CPSF1: variants seen among roughly 807,000 people sequenced by gnomAD.
CPSF1 encodes cleavage and polyadenylation specific factor 1.
A neutral mutation model predicts 175.8 loss-of-function variants in CPSF1; 106 were observed. That is an observed-to-expected ratio of 0.60 (90% CI 0.52 to 0.71). The LOEUF (loss-of-function observed/expected upper bound fraction) is 0.71. Ranked by LOEUF, CPSF1 falls within the 30% of genes least tolerant of loss-of-function variation. The pLI is 0.00. For synonymous variants in CPSF1, 1,024 were observed against 858.3 expected, an observed-to-expected ratio of 1.19 and a Z score of -3.37; for missense variants, 1,734 against 2,022.9, an observed-to-expected ratio of 0.86 and a Z score of 2.74.
At position 144,394,166 on chromosome 8, in the gene CPSF1, G is replaced by A. The variant is rs782285221; in HGVS notation, c.3812-6C>T. The A allele has an allele frequency of 5.6e-6, 9 of 1,612,716 alleles. No individual in the cohort carries two copies. In the Admixed American group the frequency reaches 6.7e-5, roughly 12 times the overall value. On this transcript the variant is annotated splice_region_variant and splice_polypyrimidine_tract_variant and intron_variant, in intron 33 of 37. Coordinates refer to ENST00000616140, the MANE Select transcript of CPSF1 (RefSeq NM_013291.3). ...GTTGCGGTCGCGGTCAGACACTGGG[G>A]AGCAGAGGCCCAGGGTCAGCCCCGG...
At chr8:144,404,848 C>T (rs1179953874) in intron 2 of CPSF1, among the ~76,000 whole-genome samples, 3 of 151,268 alleles carry the variant, frequency 2.0e-5, no homozygotes, top group South Asian at 2.1e-4. Context: ...CGGGGTCAGG[C>T]GATCGAGACC....
At position 144,400,143 on chromosome 8, in the gene CPSF1, C is replaced by CG. The variant is rs781807206; in HGVS notation, c.937+22dup. On this transcript the variant is annotated intron_variant, in intron 9 of 37. Coordinates refer to ENST00000616140, the MANE Select transcript of CPSF1 (RefSeq NM_013291.3). ...GCCCAAGCCGTCCCCGGGCCCCCCC[C>CG]GCCCCAGCCACCCCACACTCACGAA... 1.8e-4 allele frequency: 222 copies of CG among 1,222,302 alleles called. 8 individuals carry two copies. Among genetic ancestry groups the CG allele is most frequent in the Non-Finnish European group, 2.3e-4 (200 of 882,462 alleles). 75.7% of individuals were successfully genotyped at this position (1,222,302 alleles called of 1,614,324 possible).
chr8:144,406,729 A>T (rs1821515613), intron 2 of CPSF1, among the ~76,000 whole-genome samples: 3 of 152,068 alleles, frequency 2.0e-5, no homozygotes, highest in Non-Finnish European at 4.4e-5. Flanking sequence ...CGTCCAAGGC[A>T]GCACAACGCT....
intron 25 of CPSF1, 47 bp downstream of exon 25, chr8:144,396,551 G>A (rs1238599779): frequency 1.2e-6 from 2 of 1,607,928 alleles, no homozygotes; most frequent in African/African-American, 2.7e-5. Context: ...TGCGGATGAG[G>A]CCGCGTCTCC....
rs116261975 is a variant in CPSF1, at chr8:144,396,885, G to A, written c.2637C>T (p.His879=). The change falls in exon 24 of 38, where the codon CAC becomes CAT. Residue 879 remains histidine (H), a synonymous_variant. Coordinates refer to ENST00000616140, the MANE Select transcript of CPSF1 (RefSeq NM_013291.3). The stretch of plus-strand genomic sequence containing the variant: ...GATTGCCCTGGCCGAGCTGAGAGTC[G>A]TGGGGGAAGGCCTCGTAGATAAGCA... The part of the protein sequence containing the change: ...QELLIYEAFP[H]DSQLGQGNLK... 1,462 of 1,613,906 alleles carry A rather than the reference G, an allele frequency of 9.1e-4. 13 individuals are homozygous for A. In the African/African-American group the frequency reaches 0.018, roughly 20 times the overall value.
chr8:144,397,956 GGTGCAGCGGGGGCTT>G lies in CPSF1; in HGVS notation c.2056_2070del (p.Lys686_His690del). 6.2e-7 allele frequency: 1 copy of G among 1,606,146 alleles called. No individual in the cohort carries two copies. Among genetic ancestry groups the G allele is most frequent in the Non-Finnish European group, 8.5e-7 (1 of 1,176,828 alleles). On this transcript the variant is annotated inframe_deletion, in exon 20 of 38. Transcript: ENST00000616140. ...GCGCCGGGAATGAGGGGGCCTACATGGTGCAGCGGGGGCTTGTGCAGCGCCAGGCGGTGGTGGCGG... is the reference window on the plus strand; with the variant it reads ...GCGCCGGGAATGAGGGGGCCTACATGGTGCAGCGCCAGGCGGTGGTGGCGG...
chr8:144,397,955 T>A lies in CPSF1; in HGVS notation c.2072A>T (p.His691Leu). The part of the protein sequence containing the change: ...RLALHKPPLH[H>L]QSKVITLCLY... ...GGCGCCGGGAATGAGGGGGCCTACA[T>A]GGTGCAGCGGGGGCTTGTGCAGCGC... Residue 691 changes from histidine to leucine, a missense_variant and splice_region_variant, in exon 20 of 38, where the codon CAT (histidine) becomes CTT (leucine). His to Leu is a moderately conservative substitution (Grantham distance 99). This residue lies in a region of CPSF1 where 280 missense variants were observed against 349.2 expected (regional missense o/e 0.80). Coordinates refer to ENST00000616140, the MANE Select transcript of CPSF1 (RefSeq NM_013291.3). 1 of 1,606,118 alleles carries A rather than the reference T, an allele frequency of 6.2e-7. No individual in the cohort carries two copies. The highest frequency in any genetic ancestry group is 8.5e-7 in the Non-Finnish European group (1 of 1,176,844).
At position 144,395,556 on chromosome 8, in the gene CPSF1, G is replaced by A. The variant is rs1474820211; in HGVS notation, c.2980-5C>T. 1 of 1,589,870 alleles carries A rather than the reference G, an allele frequency of 6.3e-7. No individual in the cohort carries two copies. ...GACACTGATCCTCAGCTCGCCCTGG[G>A]GTGGGGGCACAGGGGTCAGGGGATC... On this transcript the variant is annotated splice_polypyrimidine_tract_variant and splice_region_variant and intron_variant, in intron 26 of 37. Transcript: ENST00000616140.
rs1243808793 is a variant in CPSF1, at chr8:144,405,796, G to A, written c.144+3219C>T. Among the ~76,000 whole-genome samples the A allele has an allele frequency of 3.3e-5, 5 of 152,260 alleles. No homozygotes were observed. The East Asian group carries it at 9.6e-4, about 29-fold the overall frequency. Reference sequence around the variant, plus strand: ...CTGCCTTAGCCTCCTAGGGCTCTGAGTTCCTGCAAGAAGCTCAACTACACC... The same window carrying A: ...CTGCCTTAGCCTCCTAGGGCTCTGAATTCCTGCAAGAAGCTCAACTACACC... On this transcript the variant is annotated intron_variant, in intron 2 of 37. Transcript: ENST00000616140.
intron 2 of CPSF1, among the ~76,000 whole-genome samples, chr8:144,406,564 A>G (rs1821508228): frequency 6.6e-6 from 1 of 152,222 alleles, no homozygotes; most frequent in African/African-American, 2.4e-5. Context: ...GATCTCAACC[A>G]GTTTCCAAGG....
rs1490260051 is a variant in CPSF1, at chr8:144,400,048, G to A, written c.975C>T (p.Ala325=). Residue 325 remains alanine (A), a synonymous_variant, in exon 10 of 38, where the codon GCC becomes GCT. Coordinates refer to ENST00000616140, the MANE Select transcript of CPSF1 (RefSeq NM_013291.3). ...QEGVRITLDC[A]QATFISYDKM... ...TGTCGTAGGAGATGAAGGTGGCCTG[G>A]GCGCAGTCCAGGGTGATCCGCACAC... 4 of 1,612,080 alleles carry A rather than the reference G, an allele frequency of 2.5e-6. No homozygotes were observed. The highest frequency in any genetic ancestry group is 2.5e-6 in the Non-Finnish European group (3 of 1,179,892).
chr8:144,407,182 C>A, intron 2 of CPSF1, among the ~76,000 whole-genome samples: 1 of 151,042 alleles, frequency 6.6e-6, no homozygotes, highest in East Asian at 1.9e-4. Context: ...CCTCCCAAAG[C>A]GCTAAGATGA....
chr8:144,406,926 CT>C lies in CPSF1; in HGVS notation c.144+2088del, dbSNP rs2116906786. ...GAAGGTTAACAGTGTATTACTACTA[CT>C]TTTTTTTTTTAGATGGAGTTTTGCT... is the stretch of plus-strand genomic sequence containing the variant. On this transcript the variant is annotated intron_variant, in intron 2 of 37. Transcript: ENST00000616140. Among the ~76,000 whole-genome samples, 156 of 147,376 alleles carry C rather than the reference CT, an allele frequency of 1.1e-3. 1 individual carries two copies. Among genetic ancestry groups the C allele is most frequent in the African/African-American group, 1.0e-3 (42 of 40,444 alleles).
Position 144,397,805 on chromosome 8 carries a change from C to A in CPSF1, c.2148G>T (p.Gly716=), listed in dbSNP as rs782711580. Residue 716 remains glycine, a synonymous_variant, in exon 21 of 38, where the codon GGG becomes GGT. Transcript: ENST00000616140. The part of the protein sequence containing the change: ...GMFTTESRLG[G]ARDELGGRSG... ...TGCGGCCCCCGAGCTCGTCACGGGCCCCACCCAGGCGGCTCTCAGTGGTGA... is the reference window on the plus strand; with the variant it reads ...TGCGGCCCCCGAGCTCGTCACGGGCACCACCCAGGCGGCTCTCAGTGGTGA... 14 of 1,611,072 alleles carry A rather than the reference C, an allele frequency of 8.7e-6. No homozygotes were observed. In the South Asian group the frequency reaches 1.5e-4, roughly 18 times the overall value.
chr8:144,394,207 C>G (rs376683753), intron 33 of CPSF1, 27 bp downstream of exon 33: 7 of 1,611,298 alleles, frequency 4.3e-6, no homozygotes, highest in African/African-American at 1.3e-5. Context: ...CCCAGAGCCT[C>G]AGCTCCCCAG....
chr8:144,393,270 G>T lies in CPSF1; in HGVS notation c.*48C>A. The T allele has an allele frequency of 6.9e-7, 1 of 1,456,874 alleles. No individual in the cohort carries two copies. The highest frequency in any genetic ancestry group is 9.1e-7 in the Non-Finnish European group (1 of 1,095,772). 90.2% of individuals were successfully genotyped at this position (1,456,874 alleles called of 1,614,324 possible). A position where few individuals can be genotyped will look rare whatever the true frequency, so the allele number is the denominator to read the frequency against. On this transcript the variant is annotated 3_prime_UTR_variant, in exon 38 of 38. Coordinates refer to ENST00000616140, the MANE Select transcript of CPSF1 (RefSeq NM_013291.3). Reference sequence around the variant, plus strand: ...TTTTTCCTTGTGTTTTGTACAAAAAGGGGGTGGGAGGTAGTTCCGTGTGCT... The same window carrying T: ...TTTTTCCTTGTGTTTTGTACAAAAATGGGGTGGGAGGTAGTTCCGTGTGCT...
At position 144,399,051 on chromosome 8, in the gene CPSF1, C is replaced by CG. The variant is rs2116857583; in HGVS notation, c.1468-14dup. On this transcript the variant is annotated splice_polypyrimidine_tract_variant and intron_variant, in intron 15 of 37. Transcript: ENST00000616140. The surrounding 1 kb of genome is among the most constrained non-coding windows in gnomAD (Gnocchi z 6.4). ...GGCTGTTCTGAAACTGCACAGGACT[C>CG]GGGGGTGAGGACTATGCCCCCCACC... is the stretch of plus-strand genomic sequence containing the variant. 41 of 1,573,816 alleles carry CG rather than the reference C, an allele frequency of 2.6e-5. No homozygotes were observed. Among genetic ancestry groups the CG allele is most frequent in the Middle Eastern group, 3.4e-4 (2 of 5,826 alleles).
chr8:144,403,098 A>AT (rs1231766653), intron 2 of CPSF1, among the ~76,000 whole-genome samples: 3 of 143,650 alleles, frequency 2.1e-5, no homozygotes, highest in African/African-American at 7.7e-5. Context: ...TAGGAGGAAA[A>AT]TTTTTTTTTT....
At position 144,396,924 on chromosome 8, in the gene CPSF1, A is replaced by G. The variant is rs375509110; in HGVS notation, c.2598T>C (p.His866=). 4.7e-5 allele frequency: 75 copies of G among 1,612,032 alleles called. 2 individuals carry two copies. The Admixed American group carries it at 8.5e-4, about 18-fold the overall frequency. ...CGTAGATAAGCAGCTCTTGGTCCAC[A>G]TGCACCTGGCAGGATGAGGGGAGCC... ...SRQSRPYLLV[H]VDQELLIYEA... The change falls in exon 24 of 38, where the codon CAT becomes CAC. Residue 866 remains histidine (H), a synonymous_variant. Transcript: ENST00000616140.
Sources: gnomAD v4.1 joint callset for allele counts (sites outside exome capture counted in the v4.1 genomes callset) on GRCh38, gnomAD v4.1.1 for gene constraint, gnomAD v4.1.1 regional missense constraint, Gnocchi (gnomAD v3.1) non-coding constraint, MANE v1.5 for transcripts, NCBI Gene and HGNC (gene_info 2026-07-23, HGNC 2026-07-21) for gene names.